Variants in CACNA1A observed in about 807,000 individuals in gnomAD.
The protein encoded by CACNA1A is calcium voltage-gated channel subunit alpha1 A.
A neutral mutation model predicts 262.4 loss-of-function variants in CACNA1A; 57 were observed. That is an observed-to-expected ratio of 0.22 (90% CI 0.18 to 0.27). The LOEUF is 0.27. CACNA1A is among the 10% of genes least tolerant of loss of function. The probability of loss-of-function intolerance (pLI) is 1.00; values close to 1 mark genes in which losing one functional copy is unlikely to be tolerated. For synonymous variants in CACNA1A, 1,431 were observed against 1,419.3 expected, an observed-to-expected ratio of 1.01 and a Z score of -0.18; for missense variants, 2,526 against 3,562.8, an observed-to-expected ratio of 0.71 and a Z score of 7.41.
chr19:13,404,518 G>A (rs908120815), intron 3 of CACNA1A, among the ~76,000 whole-genome samples: 5 of 152,164 alleles, frequency 3.3e-5, no homozygotes, highest in East Asian at 3.8e-4. Flanking sequence ...ATCCTCTCCC[G>A]AGAAAGCTGG....
At chr19:13,497,562 AT>A (rs1568709982) in intron 1 of CACNA1A, among the ~76,000 whole-genome samples, 813 of 41,836 alleles carry the variant, frequency 0.019, 208 homozygotes, top group Non-Finnish European at 0.024. Context: ...ATATATATAT[AT>A]ATATATATAT....
chr19:13,456,195 A>T (rs1352586864), intron 1 of CACNA1A, among the ~76,000 whole-genome samples: 1 of 152,074 alleles, frequency 6.6e-6, no homozygotes, highest in African/African-American at 2.4e-5. Context: ...AATAAATAAA[A>T]CATTATGATC....
chr19:13,422,300 G>T (rs1030135329), intron 3 of CACNA1A, among the ~76,000 whole-genome samples: 1 of 152,204 alleles, frequency 6.6e-6, no homozygotes, highest in African/African-American at 2.4e-5. Context: ...CAGCCTGGGT[G>T]ATGGAGTGAG....
chr19:13,279,388 C>A (rs77189297), intron 22 of CACNA1A, among the ~76,000 whole-genome samples: 12 of 152,110 alleles, frequency 7.9e-5, no homozygotes, highest in South Asian at 2.1e-4. Flanking sequence ...CCCAGCAGAT[C>A]GGCCAAATGA....
At chr19:13,257,636 G>T in intron 27 of CACNA1A, 85 bp from the exon 28 acceptor site, 1 of 747,902 alleles carries the variant, frequency 1.3e-6, no homozygotes, top group Non-Finnish European at 2.1e-6. Context: ...TGGAGAGAGG[G>T]TGGAAGTGAG....
intron 1 of CACNA1A, among the ~76,000 whole-genome samples, chr19:13,490,172 C>A (rs1980582994): frequency 6.6e-6 from 1 of 152,156 alleles, no homozygotes. Flanking sequence ...TACTATGTGC[C>A]ACGCATGATG....
At chr19:13,232,163 TTCTC>T (rs753960873) in intron 34 of CACNA1A, among the ~76,000 whole-genome samples, 120 of 151,964 alleles carry the variant, frequency 7.9e-4, no homozygotes, top group African/African-American at 2.5e-3. Context: ...TTTCTTTTCC[TTCTC>T]TCTCTCTTTC....
At chr19:13,440,209 C>T (rs2060691649) in intron 3 of CACNA1A, among the ~76,000 whole-genome samples, 1 of 152,188 alleles carries the variant, frequency 6.6e-6, no homozygotes, top group African/African-American at 2.4e-5. Context: ...AGCTATCCTC[C>T]TGCCTTGGCG....
At chr19:13,490,854 A>C (rs1599368559) in intron 1 of CACNA1A, among the ~76,000 whole-genome samples, 1 of 149,034 alleles carries the variant, frequency 6.7e-6, no homozygotes, top group African/African-American at 2.5e-5. Flanking sequence ...GGAAGGAGGG[A>C]AAGAGAAAGG....
At chr19:13,429,559 A>G (rs551401737) in intron 3 of CACNA1A, among the ~76,000 whole-genome samples, 2 of 149,526 alleles carry the variant, frequency 1.3e-5, no homozygotes, top group Admixed American at 1.3e-4. Context: ...AAAGCTTCAG[A>G]GCCAATGAGA....
chr19:13,361,389 C>T (rs974868500), intron 5 of CACNA1A, among the ~76,000 whole-genome samples: 1 of 152,164 alleles, frequency 6.6e-6, no homozygotes, highest in South Asian at 2.1e-4. Context: ...CAGGAAAGCT[C>T]ACATCTGGGA....
At chr19:13,437,180 T>G (rs999309194) in intron 3 of CACNA1A, among the ~76,000 whole-genome samples, 1 of 152,162 alleles carries the variant, frequency 6.6e-6, no homozygotes, top group African/African-American at 2.4e-5. Context: ...AATTTGACAG[T>G]GGACAGAAGG....
chr19:13,236,880 G>A lies in CACNA1A; in HGVS notation c.4951-1150C>T, dbSNP rs2055894914. The stretch of plus-strand genomic sequence containing the variant: ...AGCTAGAGTTAAGTGGCCATTGTGG[G>A]GCTTCAAGGGACCTTGGTGGGGGGG... On this transcript the variant is annotated intron_variant, in intron 31 of 46. Coordinates refer to ENST00000360228, the MANE Select transcript of CACNA1A (RefSeq NM_001127222.2). This position sits in a 1 kb window ranked among gnomAD's most constrained non-coding sequence, Gnocchi z 4.6. 6.6e-6 allele frequency among the ~76,000 whole-genome samples: 1 copy of A among 152,128 alleles called. No homozygotes were observed. Among genetic ancestry groups the A allele is most frequent in the Admixed American group, 6.5e-5 (1 of 15,272 alleles).
At chr19:13,491,161 G>A (rs887383741) in intron 1 of CACNA1A, among the ~76,000 whole-genome samples, 1 of 152,188 alleles carries the variant, frequency 6.6e-6, no homozygotes, top group African/African-American at 2.4e-5. Flanking sequence ...TTTCCCTCTG[G>A]GTTTTTATCC....
chr19:13,389,520 G>C (rs2059676373), intron 3 of CACNA1A, among the ~76,000 whole-genome samples: 1 of 152,148 alleles, frequency 6.6e-6, no homozygotes, highest in South Asian at 2.1e-4. Flanking sequence ...ACCCCTTTGA[G>C]TGGTGCAAGA....
chr19:13,402,398 G>T (rs1454360240), intron 3 of CACNA1A, among the ~76,000 whole-genome samples: 2 of 152,190 alleles, frequency 1.3e-5, no homozygotes, highest in African/African-American at 2.4e-5. Context: ...AAGAGTAGGA[G>T]GTGAGCACTG....
chr19:13,444,876 G>A (rs544317689), intron 3 of CACNA1A, among the ~76,000 whole-genome samples: 2 of 152,046 alleles, frequency 1.3e-5, no homozygotes, highest in Non-Finnish European at 2.9e-5. Context: ...GGTGGCTCAC[G>A]CTTGTAATCT....
chr19:13,261,601 C>A lies in CACNA1A; in HGVS notation c.4099G>T (p.Asp1367Tyr). Residue 1367 changes from aspartate to tyrosine, a missense_variant, in exon 26 of 47, where the codon GAC becomes TAC. Asp to Tyr is a radical substitution (Grantham distance 160). This residue lies in a region of CACNA1A where 137 missense variants were observed against 377.7 expected (regional missense o/e 0.36). Coordinates refer to ENST00000360228, the MANE Select transcript of CACNA1A (RefSeq NM_001127222.2). ...TTTTTAAGTGAGTTCACCACACAGT[C>A]AAACACAGCCTGTGGGGTGGAGTTG... is the stretch of plus-strand genomic sequence containing the variant. Reference protein sequence around the residue: ...KRLPKLKAVFDCVVNSLKNVF... With the variant: ...KRLPKLKAVFYCVVNSLKNVF... 3 of 1,608,630 alleles carry A rather than the reference C, an allele frequency of 1.9e-6. No individual in the cohort carries two copies. The highest frequency in any genetic ancestry group is 2.2e-5 in the South Asian group (2 of 89,872).
At chr19:13,434,484 G>C (rs1033550808) in intron 3 of CACNA1A, among the ~76,000 whole-genome samples, 2 of 152,176 alleles carry the variant, frequency 1.3e-5, no homozygotes, top group African/African-American at 4.8e-5. Flanking sequence ...GTGGGGCCTG[G>C]TGGAAGGTAA....
Sources: gnomAD v4.1 joint callset for allele counts (sites outside exome capture counted in the v4.1 genomes callset) on GRCh38, gnomAD v4.1.1 for gene constraint, gnomAD v4.1.1 regional missense constraint, Gnocchi (gnomAD v3.1) non-coding constraint, MANE v1.5 for transcripts, NCBI Gene and HGNC (gene_info 2026-07-23, HGNC 2026-07-21) for gene names.